RGS7: variants seen among roughly 807,000 people sequenced by gnomAD.
RGS7 encodes regulator of G-protein signaling 7.
Under a neutral mutation model 81.1 loss-of-function variants are expected in RGS7, and 27 were observed. That is an observed-to-expected ratio of 0.33 (90% CI 0.25 to 0.46). The LOEUF (loss-of-function observed/expected upper bound fraction) is 0.46, where lower values mean the gene tolerates loss of function less well. Among genes scored for constraint, RGS7 ranks in the 20% least tolerant of loss-of-function variants. RGS7 has a pLI of 1.00. For synonymous variants in RGS7, 208 were observed against 207.7 expected, an observed-to-expected ratio of 1.00 and a Z score of -0.01; for missense variants, 396 against 607.4, an observed-to-expected ratio of 0.65 and a Z score of 3.66.
intron 18 of RGS7, among the ~76,000 whole-genome samples, chr1:240,782,174 C>T (rs957885752): frequency 1.3e-5 from 2 of 152,092 alleles, no homozygotes; most frequent in Non-Finnish European, 2.9e-5. Context: ...ATGCATAAGC[C>T]CTACTCTAGT....
chr1:240,842,199 A>ATTTATTTTTTTTTTTTTTTT (rs1658153224), intron 9 of RGS7, among the ~76,000 whole-genome samples: 1 of 78,676 alleles, frequency 1.3e-5, no homozygotes, highest in Non-Finnish European at 2.5e-5. Flanking sequence ...TTTGTCAGGA[A>ATTTATTTTTTTTTTTTTTTT]TTTTTTTTTT....
At chr1:241,242,020 TG>T (rs2076283176) in intron 2 of RGS7, among the ~76,000 whole-genome samples, 1 of 152,020 alleles carries the variant, frequency 6.6e-6, no homozygotes, top group Non-Finnish European at 1.5e-5. Context: ...AGTTCTTTAG[TG>T]GTGATTCATG....
chr1:240,835,182 C>T (rs1694516236), intron 9 of RGS7, among the ~76,000 whole-genome samples: 1 of 151,840 alleles, frequency 6.6e-6, no homozygotes, highest in South Asian at 2.1e-4. Flanking sequence ...AGGCCACAAA[C>T]TGGAAAAAAA....
In RGS7 at chr1:241,034,766, C is replaced by T. The variant is rs73123782; in HGVS notation, c.176-51637G>A. Among the ~76,000 whole-genome samples the T allele has an allele frequency of 3.5e-3, 537 of 152,086 alleles. 5 individuals are homozygous for T. Among genetic ancestry groups the T allele is most frequent in the African/African-American group, 0.012 (506 of 41,468 alleles). On this transcript the variant is annotated intron_variant, in intron 3 of 18. Transcript: ENST00000440928. ...GGCTATTCATTCAGATAGAAGTTAT[C>T]GAGGCCATAGGAAGTGAGAGCGCCA...
intron 9 of RGS7, among the ~76,000 whole-genome samples, chr1:240,838,978 G>A (rs1695160333): frequency 6.6e-6 from 1 of 152,116 alleles, no homozygotes; most frequent in African/African-American, 2.4e-5. Flanking sequence ...TGTTGGCCAA[G>A]ATGGTCTCCA....
intron 3 of RGS7, among the ~76,000 whole-genome samples, chr1:241,043,091 C>T (rs1391647582): frequency 6.6e-6 from 1 of 151,806 alleles, no homozygotes; most frequent in Non-Finnish European, 1.5e-5. Context: ...GCTCAAATGA[C>T]TTTAATCTCA....
chr1:241,304,302 T>G (rs986159501), intron 2 of RGS7, among the ~76,000 whole-genome samples: 5 of 152,088 alleles, frequency 3.3e-5, no homozygotes, highest in Non-Finnish European at 5.9e-5. Context: ...AGTGTGAAAA[T>G]AGAGAAATAA....
At chr1:241,186,288 A>G (rs1378942366) in intron 2 of RGS7, among the ~76,000 whole-genome samples, 1 of 152,148 alleles carries the variant, frequency 6.6e-6, no homozygotes, top group Non-Finnish European at 1.5e-5. Flanking sequence ...ATAATTTCCC[A>G]AATCTGAAAA....
intron 6 of RGS7, among the ~76,000 whole-genome samples, chr1:240,918,524 GA>G (rs1485408005): frequency 6.6e-6 from 1 of 152,008 alleles, no homozygotes; most frequent in Non-Finnish European, 1.5e-5. Flanking sequence ...AGTCTCGGGA[GA>G]AATTTTAAAG....
At chr1:241,142,445 CAG>C (rs2067996309) in intron 2 of RGS7, among the ~76,000 whole-genome samples, 1 of 152,208 alleles carries the variant, frequency 6.6e-6, no homozygotes, top group Non-Finnish European at 1.5e-5. Context: ...GAAATCCACG[CAG>C]AGTTTCCCAA....
chr1:241,318,020 C>T lies in RGS7; in HGVS notation c.78+37679G>A, dbSNP rs147185435. ...CATCTCCTGCCATCTTGGTGCCCCT[C>T]ACTCACTTCACCTTCTCAACTGAGA... On this transcript the variant is annotated intron_variant, in intron 2 of 18. Transcript: ENST00000440928. Among the ~76,000 whole-genome samples the T allele has an allele frequency of 9.3e-4, 142 of 152,288 alleles. 1 individual carries two copies. The highest frequency in any genetic ancestry group is 2.7e-3 in the African/African-American group (111 of 41,542).
At chr1:241,254,276 G>T (rs2076964862) in intron 2 of RGS7, among the ~76,000 whole-genome samples, 1 of 152,032 alleles carries the variant, frequency 6.6e-6, no homozygotes, top group African/African-American at 2.4e-5. Flanking sequence ...TATGGGAGTA[G>T]TTTGAAGATG....
At chr1:241,239,181 A>G (rs2076147144) in intron 2 of RGS7, among the ~76,000 whole-genome samples, 1 of 151,806 alleles carries the variant, frequency 6.6e-6, no homozygotes, top group Non-Finnish European at 1.5e-5. Flanking sequence ...GTTAGCCAGG[A>G]TGTTCTCGAT....
intron 6 of RGS7, among the ~76,000 whole-genome samples, chr1:240,887,030 T>A (rs1667443499): frequency 6.6e-6 from 1 of 152,126 alleles, no homozygotes; most frequent in Non-Finnish European, 1.5e-5. Context: ...GTGTGTCTAT[T>A]CCATAGGACT....
At chr1:240,981,241 C>T (rs1684866192) in intron 4 of RGS7, among the ~76,000 whole-genome samples, 1 of 152,084 alleles carries the variant, frequency 6.6e-6, no homozygotes. Flanking sequence ...TCCCAAGTAA[C>T]TGGGACTACA....
intron 11 of RGS7, 57 bp from the exon 12 acceptor site, chr1:240,814,834 A>C: frequency 9.3e-7 from 1 of 1,070,336 alleles, no homozygotes; most frequent in Non-Finnish European, 1.5e-6. Flanking sequence ...ACAATTTTCC[A>C]CTCTAAATCA....
intron 2 of RGS7, among the ~76,000 whole-genome samples, chr1:241,239,246 T>C (rs146108952): frequency 3.9e-5 from 6 of 152,172 alleles, no homozygotes; most frequent in African/African-American, 1.4e-4. Context: ...GGATTACAGG[T>C]GTGAGCCACC....
chr1:241,209,141 G>A (rs1348807395), intron 2 of RGS7, among the ~76,000 whole-genome samples: 1 of 152,172 alleles, frequency 6.6e-6, no homozygotes, highest in Non-Finnish European at 1.5e-5. Context: ...GTCTCTAGTG[G>A]TCTGCCGCAG....
At position 240,868,727 on chromosome 1, in the gene RGS7, A is replaced by G. The variant is rs770882787; in HGVS notation, c.527+49T>C. 17 of 1,611,244 alleles carry G rather than the reference A, an allele frequency of 1.1e-5. No homozygotes were observed. In the South Asian group the frequency reaches 1.9e-4, roughly 18 times the overall value. ...ATTAATTGTAGTGCCTCTCTGAACA[A>G]AAAGGCCACAACTGGAACAAATCTT... is the stretch of plus-strand genomic sequence containing the variant. On this transcript the variant is annotated intron_variant, in intron 8 of 18. Transcript: ENST00000440928. The surrounding 1 kb of genome is among the most constrained non-coding windows in gnomAD (Gnocchi z 5.1).
Sources: gnomAD v4.1 joint callset for allele counts (sites outside exome capture counted in the v4.1 genomes callset) on GRCh38, gnomAD v4.1.1 for gene constraint, Gnocchi (gnomAD v3.1) non-coding constraint, MANE v1.5 for transcripts, NCBI Gene and HGNC (gene_info 2026-07-23, HGNC 2026-07-21) for gene names.